Variants in UBE2QL1 observed in about 807,000 individuals in gnomAD.
The protein encoded by UBE2QL1 is ubiquitin conjugating enzyme E2 QL1.
In UBE2QL1, 5 loss-of-function variants were observed where a neutral mutation model predicts 12.6. That is an observed-to-expected ratio of 0.40 (90% CI 0.21 to 0.83). The LOEUF (loss-of-function observed/expected upper bound fraction) is 0.83. Among genes scored for constraint, UBE2QL1 ranks in the 40% least tolerant of loss-of-function variants. The pLI, the probability that UBE2QL1 is intolerant of heterozygous loss-of-function variation, is 0.37. For synonymous variants in UBE2QL1, 96 were observed against 94.5 expected, an observed-to-expected ratio of 1.02 and a Z score of -0.10; for missense variants, 99 against 222.6, an observed-to-expected ratio of 0.44 and a Z score of 3.53.
intron 1 of UBE2QL1, among the ~76,000 whole-genome samples, chr5:6,485,105 C>G (rs963729227): frequency 6.6e-6 from 1 of 152,136 alleles, no homozygotes; most frequent in Admixed American, 6.5e-5. Flanking sequence ...AATGAACACA[C>G]GTGCACACAT....
chr5:6,484,375 G>T (rs1734424449), intron 1 of UBE2QL1, among the ~76,000 whole-genome samples: 1 of 152,146 alleles, frequency 6.6e-6, no homozygotes, highest in African/African-American at 2.4e-5. Flanking sequence ...CCCTGAGGCT[G>T]CCTGTCTTTG....
chr5:6,449,392 G>T (rs987343682), intron 1 of UBE2QL1, 145 bp downstream of exon 1: 2 of 781,554 alleles, frequency 2.6e-6, no homozygotes, highest in Admixed American at 4.4e-5. Flanking sequence ...GCCCCACGGG[G>T]ATGCTCCGAG....
Position 6,494,351 on chromosome 5 carries a change from T to A in UBE2QL1, c.*3002T>A, listed in dbSNP as rs935573089. ...CCAATACTCCTGCAAAGACTTGCTG[T>A]TTCTAAAATCCACTACTCAGAAAAA... On this transcript the variant is annotated 3_prime_UTR_variant, in exon 2 of 2. Coordinates refer to ENST00000399816, the MANE Select transcript of UBE2QL1 (RefSeq NM_001145161.3). 6.6e-6 allele frequency: 1 copy of A among 152,200 alleles called. No individual in the cohort carries two copies. The highest frequency in any genetic ancestry group is 1.5e-5 in the Non-Finnish European group (1 of 68,036). 9.4% of individuals were successfully genotyped at this position (152,200 alleles called of 1,614,324 possible). A position where few individuals can be genotyped will look rare whatever the true frequency, so the allele number is the denominator to read the frequency against.
At chr5:6,470,271 T>C (rs535909397) in intron 1 of UBE2QL1, among the ~76,000 whole-genome samples, 2 of 152,364 alleles carry the variant, frequency 1.3e-5, no homozygotes, top group East Asian at 3.9e-4. Context: ...TGATTGCTCT[T>C]ACTATTACTA....
At chr5:6,449,494 C>G (rs1739368674) in intron 1 of UBE2QL1, among the ~76,000 whole-genome samples, 1 of 149,254 alleles carries the variant, frequency 6.7e-6, no homozygotes, top group African/African-American at 2.6e-5. Context: ...CTCTGCCCGT[C>G]TCTCTGGTAT....
In UBE2QL1 at chr5:6,448,968, C is replaced by G; in HGVS notation, c.75C>G (p.Phe25Leu). ...ISVELVDESL[F>L]DWNVKLHQVD... is the part of the protein sequence containing the mutation. ...TGGAGCTGGTGGACGAGAGCCTGTT[C>G]GACTGGAACGTGAAGCTGCACCAGG... Residue 25 changes from phenylalanine (F) to leucine (L), a missense_variant, in exon 1 of 2, where the codon TTC becomes TTG. Coordinates refer to ENST00000399816, the MANE Select transcript of UBE2QL1 (RefSeq NM_001145161.3). 2 of 1,549,330 alleles carry G rather than the reference C, an allele frequency of 1.3e-6. No individual in the cohort carries two copies. Among genetic ancestry groups the G allele is most frequent in the African/African-American group, 1.4e-5 (1 of 73,086 alleles).
chr5:6,466,572 C>T (rs138800725), intron 1 of UBE2QL1, among the ~76,000 whole-genome samples: 2 of 152,346 alleles, frequency 1.3e-5, no homozygotes, highest in East Asian at 1.9e-4. Flanking sequence ...CAGCACCTAT[C>T]GGAGAATGAG....
Position 6,481,273 on chromosome 5 carries a change from C to T in UBE2QL1, c.355-9945C>T, listed in dbSNP as rs140524014. On this transcript the variant is annotated intron_variant, in intron 1 of 1. Coordinates refer to ENST00000399816, the MANE Select transcript of UBE2QL1 (RefSeq NM_001145161.3). This position sits in a 1 kb window ranked among gnomAD's most constrained non-coding sequence, Gnocchi z 4.5. ...ACCCCACAGCCTGCTCCTAAGACAG[C>T]GTCTCTCTCTGCAGGCCTGGCCCCG... Among the ~76,000 whole-genome samples the T allele has an allele frequency of 6.4e-4, 97 of 152,334 alleles. No homozygotes were observed. The highest frequency in any genetic ancestry group is 2.2e-3 in the African/African-American group (93 of 41,570).
intron 1 of UBE2QL1, among the ~76,000 whole-genome samples, chr5:6,454,894 C>T (rs1360781229): frequency 1.3e-5 from 2 of 152,060 alleles, no homozygotes; most frequent in African/African-American, 4.8e-5. Context: ...ATACACTGGA[C>T]TGTTCAGAGG....
intron 1 of UBE2QL1, among the ~76,000 whole-genome samples, chr5:6,474,184 C>G (rs1009404598): frequency 3.3e-5 from 5 of 152,234 alleles, no homozygotes; most frequent in African/African-American, 1.2e-4. Flanking sequence ...GTTGCCTGTG[C>G]ACGTGGTGTG....
chr5:6,484,541 C>T (rs763984026), intron 1 of UBE2QL1, among the ~76,000 whole-genome samples: 1 of 152,168 alleles, frequency 6.6e-6, no homozygotes, highest in Non-Finnish European at 1.5e-5. Context: ...CAAAGGTTGC[C>T]CAGGTCAACA....
rs374955265 is a variant in UBE2QL1 at position 6,496,490 on chromosome 5, C to A, written c.*5141C>A. 6.6e-6 allele frequency among the ~76,000 whole-genome samples: 1 copy of A among 152,064 alleles called. No homozygotes were observed. The highest frequency in any genetic ancestry group is 2.1e-4 in the South Asian group (1 of 4,820). On this transcript the variant is annotated 3_prime_UTR_variant, in exon 2 of 2. Transcript: ENST00000399816. ...TGACTGCGAACTTTCAGACTCTCAC[C>A]GCAATTCATGGGGAGACTTTGGTGT...
chr5:6,461,551 C>A (rs1158146172), intron 1 of UBE2QL1, among the ~76,000 whole-genome samples: 2 of 124,798 alleles, frequency 1.6e-5, no homozygotes, highest in Non-Finnish European at 3.4e-5. Flanking sequence ...CCACCCCCCC[C>A]CGCCGGCATA....
intron 1 of UBE2QL1, among the ~76,000 whole-genome samples, chr5:6,457,887 A>G (rs975730827): frequency 2.0e-5 from 3 of 152,204 alleles, no homozygotes; most frequent in African/African-American, 4.8e-5. Flanking sequence ...CTCAGAATCA[A>G]TCCACGAGAG....
intron 1 of UBE2QL1, among the ~76,000 whole-genome samples, chr5:6,486,326 G>A (rs1001164841): frequency 4.7e-5 from 7 of 149,034 alleles, no homozygotes; most frequent in South Asian, 2.1e-4. Flanking sequence ...ACACACACAA[G>A]CACACACACA....
At chr5:6,465,196 A>G (rs1739760621) in intron 1 of UBE2QL1, among the ~76,000 whole-genome samples, 1 of 152,140 alleles carries the variant, frequency 6.6e-6, no homozygotes, top group Non-Finnish European at 1.5e-5. Flanking sequence ...CACATTGGCC[A>G]GGCTGGTCTC....
chr5:6,484,369 G>A (rs1734424174), intron 1 of UBE2QL1, among the ~76,000 whole-genome samples: 1 of 152,154 alleles, frequency 6.6e-6, no homozygotes, highest in Admixed American at 6.5e-5. Context: ...CCCTGGCCCT[G>A]AGGCTGCCTG....
intron 1 of UBE2QL1, among the ~76,000 whole-genome samples, chr5:6,468,068 C>A (rs1739834737): frequency 6.6e-6 from 1 of 152,276 alleles, no homozygotes; most frequent in Admixed American, 6.5e-5. Context: ...TCCCTGTGAT[C>A]CCTGGATGAC....
intron 1 of UBE2QL1, 67 bp from the exon 2 acceptor site, chr5:6,491,151 A>G: frequency 1.4e-6 from 2 of 1,455,892 alleles, no homozygotes; most frequent in Non-Finnish European, 1.8e-6. Context: ...TGTGTTTTTA[A>G]TAAAGATGGT....
Sources: allele counts gnomAD v4.1 joint callset (sites outside exome capture counted in the v4.1 genomes callset), GRCh38; gene constraint gnomAD v4.1.1; non-coding constraint Gnocchi (gnomAD v3.1); transcripts MANE v1.5; gene names NCBI Gene and HGNC (gene_info 2026-07-23, HGNC 2026-07-21).